Variants in TENM2 observed in about 807,000 individuals in gnomAD.
The protein encoded by TENM2 is teneurin transmembrane protein 2.
Under a neutral mutation model 245.2 loss-of-function variants are expected in TENM2, and 52 were observed. The ratio of observed to expected loss-of-function variants is 0.21; its 90% CI spans 0.17 to 0.27. TENM2 has a LOEUF of 0.27. Among genes scored for constraint, TENM2 ranks in the 10% least tolerant of loss-of-function variants. The pLI, the probability that TENM2 is intolerant of heterozygous loss-of-function variation, is 1.00. For synonymous variants in TENM2, 1,363 were observed against 1,438.9 expected, an observed-to-expected ratio of 0.95 and a Z score of 1.19; for missense variants, 3,046 against 3,666.8, an observed-to-expected ratio of 0.83 and a Z score of 4.37.
intron 3 of TENM2, among the ~76,000 whole-genome samples, chr5:167,882,322 T>A (rs1377248772): frequency 1.3e-5 from 2 of 152,210 alleles, no homozygotes; most frequent in Non-Finnish European, 2.9e-5. Flanking sequence ...ACTCTGCATT[T>A]ACCATTCCCT....
chr5:167,556,256 C>G (rs1773252006), intron 2 of TENM2, among the ~76,000 whole-genome samples: 1 of 151,964 alleles, frequency 6.6e-6, no homozygotes, highest in Admixed American at 6.6e-5. Context: ...GATTTTCAGT[C>G]AAATGTAGAA....
the TENM2 span, among the ~76,000 whole-genome samples, chr5:167,003,646 T>A: frequency 6.6e-6 from 1 of 152,174 alleles, no homozygotes; most frequent in Non-Finnish European, 1.5e-5. Context: ...GTCGAACTTT[T>A]TTTCTTTGTC....
chr5:168,012,206 G>T (rs1303958887), intron 5 of TENM2, among the ~76,000 whole-genome samples: 1 of 152,192 alleles, frequency 6.6e-6, no homozygotes, highest in Non-Finnish European at 1.5e-5. Flanking sequence ...AGACTGGTCA[G>T]CTCCCCATCA....
At chr5:167,377,954 C>T (rs1362011002) in intron 2 of TENM2, among the ~76,000 whole-genome samples, 1 of 152,038 alleles carries the variant, frequency 6.6e-6, no homozygotes, top group Admixed American at 6.6e-5. Flanking sequence ...GAGGAAGTAA[C>T]AGGAATCTAT....
At chr5:167,004,172 G>T in the TENM2 span, among the ~76,000 whole-genome samples, 1 of 152,152 alleles carries the variant, frequency 6.6e-6, no homozygotes, top group African/African-American at 2.4e-5. Flanking sequence ...CCAGTTTGTT[G>T]TATTCAAAGA....
chr5:167,755,549 T>C (rs1762257907), intron 2 of TENM2, among the ~76,000 whole-genome samples: 1 of 152,172 alleles, frequency 6.6e-6, no homozygotes, highest in African/African-American at 2.4e-5. Flanking sequence ...TGTCTATTGC[T>C]GAAATACTCT....
chr5:167,647,362 C>T (rs1048033794), intron 2 of TENM2, among the ~76,000 whole-genome samples: 5 of 152,118 alleles, frequency 3.3e-5, no homozygotes, highest in African/African-American at 9.7e-5. Context: ...TGGCTCAAGC[C>T]TGTAAATCCC....
intron 2 of TENM2, among the ~76,000 whole-genome samples, chr5:167,847,335 C>T (rs1464871576): frequency 6.6e-6 from 1 of 152,238 alleles, no homozygotes; most frequent in Non-Finnish European, 1.5e-5. Context: ...TGCCTCCACC[C>T]ACAGTGAACT....
the TENM2 span, among the ~76,000 whole-genome samples, chr5:167,005,307 G>A: frequency 6.6e-6 from 1 of 152,332 alleles, no homozygotes; most frequent in South Asian, 2.1e-4. Flanking sequence ...CACCCCACCT[G>A]TGTACCACAT....
At chr5:167,882,338 T>G (rs1416493680) in intron 3 of TENM2, among the ~76,000 whole-genome samples, 1 of 152,138 alleles carries the variant, frequency 6.6e-6, no homozygotes, top group Non-Finnish European at 1.5e-5. Context: ...TCCCTTCAGG[T>G]GAAGCATGTG....
intron 3 of TENM2, among the ~76,000 whole-genome samples, chr5:167,899,540 G>A (rs1179752634): frequency 2.0e-5 from 3 of 152,222 alleles, no homozygotes; most frequent in Admixed American, 6.5e-5. Context: ...TTTTGCAGAT[G>A]AGGTAACAGA....
the TENM2 span, among the ~76,000 whole-genome samples, chr5:167,047,669 ACCT>A: frequency 6.6e-6 from 1 of 152,072 alleles, no homozygotes; most frequent in South Asian, 2.1e-4. Context: ...GATTTCAAAA[ACCT>A]CCTATCCTGA....
intron 9 of TENM2, among the ~76,000 whole-genome samples, chr5:168,105,047 C>T (rs180867764): frequency 6.6e-4 from 101 of 152,176 alleles, no homozygotes; most frequent in African/African-American, 1.8e-3. Context: ...TACTGTGATA[C>T]GGACTTTGAA....
At chr5:167,344,921 C>T (rs1295851386) in intron 1 of TENM2, among the ~76,000 whole-genome samples, 1 of 152,100 alleles carries the variant, frequency 6.6e-6, no homozygotes, top group Non-Finnish European at 1.5e-5. Flanking sequence ...CTTCCAAAAT[C>T]AGCCTTTGTC....
At chr5:167,802,628 G>C (rs1765864745) in intron 2 of TENM2, among the ~76,000 whole-genome samples, 1 of 152,258 alleles carries the variant, frequency 6.6e-6, no homozygotes, top group South Asian at 2.1e-4. Flanking sequence ...TTGTTGAGGG[G>C]TACCCAAGGT....
intron 2 of TENM2, among the ~76,000 whole-genome samples, chr5:167,392,999 G>T (rs1761846121): frequency 6.6e-6 from 1 of 151,912 alleles, no homozygotes; most frequent in South Asian, 2.1e-4. Context: ...GAGGGCACCT[G>T]TAATCCCAGC....
intron 5 of TENM2, among the ~76,000 whole-genome samples, chr5:168,005,578 C>T (rs969348101): frequency 1.3e-5 from 2 of 152,176 alleles, no homozygotes; most frequent in East Asian, 3.8e-4. Flanking sequence ...TAAAGTGGCT[C>T]TTGGCTTGTT....
At chr5:168,153,172 C>A (rs896045625) in intron 12 of TENM2, among the ~76,000 whole-genome samples, 1 of 151,972 alleles carries the variant, frequency 6.6e-6, no homozygotes, top group Non-Finnish European at 1.5e-5. Context: ...GACATTGAAC[C>A]GCTTGCTCTC....
chr5:167,478,231 G>T (rs1232354657), intron 2 of TENM2, among the ~76,000 whole-genome samples: 1 of 152,156 alleles, frequency 6.6e-6, no homozygotes, highest in East Asian at 1.9e-4. Flanking sequence ...ATGAAAACAT[G>T]GCTTGCAGGA....
Sources: gnomAD v4.1 joint callset for allele counts (sites outside exome capture counted in the v4.1 genomes callset) on GRCh38, gnomAD v4.1.1 for gene constraint, MANE v1.5 for transcripts, NCBI Gene and HGNC (gene_info 2026-07-23, HGNC 2026-07-21) for gene names.